SENP7: variants seen among roughly 807,000 people sequenced by gnomAD.
The protein encoded by SENP7 is SUMO specific peptidase 7, also known as sentrin-specific protease 7.
In SENP7, 64 loss-of-function variants were observed where a neutral mutation model predicts 141.2. The ratio of observed to expected loss-of-function variants is 0.45; its 90% CI spans 0.37 to 0.56. The LOEUF (loss-of-function observed/expected upper bound fraction) is 0.56. Among genes scored for constraint, SENP7 ranks in the 20% least tolerant of loss-of-function variants. The pLI, the probability that SENP7 is intolerant of heterozygous loss-of-function variation, is 0.00. For synonymous variants in SENP7, 382 were observed against 426.4 expected, an observed-to-expected ratio of 0.90 and a Z score of 1.28; for missense variants, 1,025 against 1,212.2, an observed-to-expected ratio of 0.85 and a Z score of 2.29.
chr3:101,391,886 T>A (rs189990434), intron 6 of SENP7, among the ~76,000 whole-genome samples: 1 of 152,256 alleles, frequency 6.6e-6, no homozygotes, highest in East Asian at 1.9e-4. Context: ...TGCACCATGA[T>A]CAAGTGAGAT....
chr3:101,436,104 C>T (rs2062377119), intron 4 of SENP7, among the ~76,000 whole-genome samples: 1 of 152,034 alleles, frequency 6.6e-6, no homozygotes, highest in African/African-American at 2.4e-5. Flanking sequence ...AAATAGAGAA[C>T]CCAGAAACAA....
chr3:101,496,660 C>A (rs182126979), intron 2 of SENP7, among the ~76,000 whole-genome samples: 27 of 150,548 alleles, frequency 1.8e-4, no homozygotes, highest in Non-Finnish European at 3.2e-4. Context: ...CTAACTGCAA[C>A]CTCCGCCCCC....
chr3:101,357,852 G>C, intron 11 of SENP7: 1 of 560,176 alleles, frequency 1.8e-6, no homozygotes, highest in East Asian at 4.1e-5. Context: ...CTACAGATGT[G>C]AAGAATCTGG....
chr3:101,362,080 T>G (rs2059917604), intron 10 of SENP7, among the ~76,000 whole-genome samples: 1 of 152,172 alleles, frequency 6.6e-6, no homozygotes, highest in Non-Finnish European at 1.5e-5. Flanking sequence ...GAATCCAAAA[T>G]TAATTCCACA....
chr3:101,410,326 G>A (rs1333910450), intron 5 of SENP7, among the ~76,000 whole-genome samples: 2 of 152,144 alleles, frequency 1.3e-5, no homozygotes, highest in East Asian at 3.8e-4. Context: ...TACACTGCTG[G>A]TGGGAATGTA....
chr3:101,488,736 G>A (rs1343107365), intron 3 of SENP7, among the ~76,000 whole-genome samples: 1 of 152,182 alleles, frequency 6.6e-6, no homozygotes. Context: ...CAGCTACTTG[G>A]GAGGCTGACG....
intron 1 of SENP7, among the ~76,000 whole-genome samples, chr3:101,510,454 G>T (rs2065804276): frequency 6.6e-6 from 1 of 152,166 alleles, no homozygotes; most frequent in South Asian, 2.1e-4. Flanking sequence ...TTCAAATTTT[G>T]TGTTTTATTT....
chr3:101,378,841 C>T (rs1194929505), intron 6 of SENP7, among the ~76,000 whole-genome samples: 3 of 151,864 alleles, frequency 2.0e-5, no homozygotes, highest in African/African-American at 7.3e-5. Context: ...AAAACAAAGA[C>T]AAGAATTGTA....
chr3:101,424,750 C>T (rs2061902279), intron 4 of SENP7, among the ~76,000 whole-genome samples: 2 of 152,192 alleles, frequency 1.3e-5, no homozygotes, highest in African/African-American at 4.8e-5. Context: ...GTGGTGAACA[C>T]TCATATGAAG....
rs139632921 is a variant in SENP7, at chr3:101,337,883, G to A, written c.2358-252C>T. On this transcript the variant is annotated intron_variant, in intron 16 of 23. Transcript: ENST00000394095. ...AAATTCCTAACATGTGGCCAGGCAC[G>A]GTGGCTCACGCCTGTAATCCAAGCA... Among the ~76,000 whole-genome samples the A allele has an allele frequency of 4.5e-3, 688 of 152,124 alleles. 5 individuals carry two copies. Among genetic ancestry groups the A allele is most frequent in the African/African-American group, 0.016 (651 of 41,510 alleles).
intron 3 of SENP7, among the ~76,000 whole-genome samples, chr3:101,464,930 T>C (rs2063709947): frequency 6.6e-6 from 1 of 152,200 alleles, no homozygotes; most frequent in African/African-American, 2.4e-5. Flanking sequence ...GATGCTTATG[T>C]AAATTTAATG....
chr3:101,496,813 A>T (rs867815584), intron 2 of SENP7, among the ~76,000 whole-genome samples: 4 of 152,116 alleles, frequency 2.6e-5, no homozygotes, highest in Middle Eastern at 3.2e-3. Flanking sequence ...CCTGACCTCA[A>T]GTGATCCACC....
chr3:101,417,678 C>T lies in SENP7; in HGVS notation c.397G>A (p.Asp133Asn). 7 of 1,613,988 alleles carry T rather than the reference C, an allele frequency of 4.3e-6. No homozygotes were observed. The highest frequency in any genetic ancestry group is 5.9e-6 in the Non-Finnish European group (7 of 1,179,852). Residue 133 changes from aspartate (D) to asparagine (N), a missense_variant, in exon 5 of 24, where the codon GAC becomes AAC. By Grantham distance (23) the Asp-to-Asn change is conservative. Around this residue, in one of 4 missense-constraint regions of SENP7, gnomAD observed 496 missense variants for 503.5 expected, o/e 0.99. Coordinates refer to ENST00000394095, the MANE Select transcript of SENP7 (RefSeq NM_020654.5). ...NLCDANKVQS[D>N]SLPSTSVDSL... ...TCAACAGATGTCGAAGGCAATGAGT[C>T]TGATTGCACCTTGTTGGCATCACAT...
At chr3:101,433,354 A>T (rs2062256858) in intron 4 of SENP7, among the ~76,000 whole-genome samples, 1 of 147,962 alleles carries the variant, frequency 6.8e-6, no homozygotes, top group African/African-American at 2.5e-5. Context: ...AAAAAAAAAA[A>T]CAAGAAAGAG....
At chr3:101,375,518 G>C (rs973741309) in intron 6 of SENP7, among the ~76,000 whole-genome samples, 1 of 139,868 alleles carries the variant, frequency 7.1e-6, no homozygotes, top group African/African-American at 2.7e-5. Flanking sequence ...CTCCAGCGTG[G>C]GCAACAAGAG....
chr3:101,511,834 G>GTTGTTT (rs1553762640), intron 1 of SENP7, among the ~76,000 whole-genome samples: 4 of 151,396 alleles, frequency 2.6e-5, no homozygotes, highest in African/African-American at 9.7e-5. Flanking sequence ...TGTTGTTGTT[G>GTTGTTT]TTTGATACAG....
chr3:101,399,341 ATTC>A (rs2061064882), intron 5 of SENP7, among the ~76,000 whole-genome samples: 1 of 152,218 alleles, frequency 6.6e-6, no homozygotes, highest in South Asian at 2.1e-4. Context: ...ATTTTAACAA[ATTC>A]TTCTCTAAAA....
intron 5 of SENP7, among the ~76,000 whole-genome samples, chr3:101,409,565 T>G (rs1188486640): frequency 7.2e-5 from 11 of 152,276 alleles, no homozygotes; most frequent in Non-Finnish European, 7.4e-5. Flanking sequence ...CAAAACAGCA[T>G]GGTACTGATA....
chr3:101,457,749 G>C, intron 4 of SENP7: 1 of 792,936 alleles, frequency 1.3e-6, no homozygotes, highest in Non-Finnish European at 2.1e-6. Context: ...GCAGATAAGG[G>C]GCCATGCAGA....
Sources: allele counts gnomAD v4.1 joint callset (sites outside exome capture counted in the v4.1 genomes callset), GRCh38; gene constraint gnomAD v4.1.1; regional missense constraint gnomAD v4.1.1; transcripts MANE v1.5; gene names NCBI Gene and HGNC (gene_info 2026-07-23, HGNC 2026-07-21).